BRSK1: variants seen among roughly 807,000 people sequenced by gnomAD.
BRSK1 encodes the protein BR serine/threonine kinase 1, also known as serine/threonine-protein kinase BRSK1.
In BRSK1, 17 loss-of-function variants were observed where a neutral mutation model predicts 86.2. The observed-to-expected ratio is 0.20, with a 90% CI of 0.14 to 0.30. The LOEUF (loss-of-function observed/expected upper bound fraction) is 0.30. BRSK1 is among the 10% of genes least tolerant of loss of function. The pLI, the probability that BRSK1 is intolerant of heterozygous loss-of-function variation, is 1.00. For missense variants in BRSK1, 719 were observed against 1,071.9 expected (o/e 0.67, Z 4.60); for synonymous variants, 464 against 440.1 (o/e 1.05, Z -0.68).
At chr19:55,296,835 G>A (rs1044694906) in intron 7 of BRSK1, among the ~76,000 whole-genome samples, 16 of 151,746 alleles carry the variant, frequency 1.1e-4, no homozygotes, top group South Asian at 4.2e-4. Context: ...GCGACAGAGC[G>A]AGACTCCGTC....
At chr19:55,292,518 C>T (rs1185166132) in intron 4 of BRSK1, among the ~76,000 whole-genome samples, 1 of 152,072 alleles carries the variant, frequency 6.6e-6, no homozygotes, top group Non-Finnish European at 1.5e-5. Context: ...CAGTTTTGGG[C>T]ACGTTTGTGA....
chr19:55,288,634 G>A (rs2088358799), intron 3 of BRSK1, among the ~76,000 whole-genome samples: 2 of 152,120 alleles, frequency 1.3e-5, no homozygotes, highest in South Asian at 4.2e-4. Context: ...TGCCCAGGCT[G>A]GAGTGCAATG....
In BRSK1 at chr19:55,284,070, G is replaced by A. The variant is rs1172201780; in HGVS notation, c.-373G>A. 2 of 929,350 alleles carry A rather than the reference G, an allele frequency of 2.2e-6. No homozygotes were observed. The highest frequency in any genetic ancestry group is 1.7e-5 in the African/African-American group (1 of 58,170). The allele number at this position is 929,350 out of a possible 1,614,324, so 57.6% of individuals were successfully genotyped here. On this transcript the variant is annotated 5_prime_UTR_variant, in exon 1 of 19. Coordinates refer to ENST00000309383, the MANE Select transcript of BRSK1 (RefSeq NM_032430.2). Reference sequence around the variant, plus strand: ...AGGCGGAGAGGAGGAGGAGGCGGAGGAGAGAGGGCGCGTGGGGGGGCGGGG... The same window carrying A: ...AGGCGGAGAGGAGGAGGAGGCGGAGAAGAGAGGGCGCGTGGGGGGGCGGGG...
At position 55,300,040 on chromosome 19, in the gene BRSK1, G is replaced by A. The variant is rs138543951; in HGVS notation, c.679-1472G>A. Among the ~76,000 whole-genome samples the A allele has an allele frequency of 2.6e-5, 4 of 152,176 alleles. No individual in the cohort carries two copies. In the East Asian group the frequency reaches 5.8e-4, roughly 22 times the overall value. On this transcript the variant is annotated intron_variant, in intron 7 of 18. Coordinates refer to ENST00000309383, the MANE Select transcript of BRSK1 (RefSeq NM_032430.2). ...CCCTCCCGTCCCGTATGATACGTTC[G>A]CTTGTTTGTTTCCTGTCCCCTCTGG...
rs769989334 is a variant in BRSK1 at position 55,303,764 on chromosome 19, C to CGGG, written c.1227_1229dup (p.Gly412dup). ...TGGAAGTCCTGAGCATCACCGATGCCGGGGGTGGTGGCTCCCCTGTACCCA... is the reference window on the plus strand; with the variant it reads ...TGGAAGTCCTGAGCATCACCGATGCCGGGGGGGGTGGTGGCTCCCCTGTACCCA... On this transcript the variant is annotated inframe_insertion, in exon 12 of 19. Coordinates refer to ENST00000309383, the MANE Select transcript of BRSK1 (RefSeq NM_032430.2). The surrounding 1 kb of genome is among the most constrained non-coding windows in gnomAD (Gnocchi z 5.1). The CGGG allele has an allele frequency of 3.2e-5, 51 of 1,612,794 alleles. No homozygotes were observed. The highest frequency in any genetic ancestry group is 4.2e-5 in the Non-Finnish European group (50 of 1,179,386).
intron 1 of BRSK1, 82 bp downstream of exon 1, chr19:55,284,660 G>A: frequency 8.5e-7 from 1 of 1,179,726 alleles, no homozygotes; most frequent in Middle Eastern, 3.1e-4. Flanking sequence ...TATTCAAATG[G>A]CAGGGGCTGG....
intron 8 of BRSK1, 25 bp downstream of exon 8, chr19:55,301,683 A>AG (rs760206818): frequency 2.6e-5 from 42 of 1,600,200 alleles, no homozygotes; most frequent in Non-Finnish European, 6.0e-6. Flanking sequence ...GGACCGGCGG[A>AG]GGGGGGAACA....
intron 16 of BRSK1, among the ~76,000 whole-genome samples, 153 bp downstream of exon 16, chr19:55,305,739 C>T (rs1472878985): frequency 6.6e-6 from 1 of 152,070 alleles, no homozygotes; most frequent in Non-Finnish European, 1.5e-5. Flanking sequence ...AGTCGGTAGG[C>T]AGGAAAGATT....
At chr19:55,295,744 A>G (rs1191051185) in intron 7 of BRSK1, among the ~76,000 whole-genome samples, 6 of 152,124 alleles carry the variant, frequency 3.9e-5, no homozygotes, top group Non-Finnish European at 7.4e-5. Context: ...GAGCGGAGGC[A>G]GATCACCTGG....
chr19:55,284,976 C>G (rs1286517832), intron 1 of BRSK1, among the ~76,000 whole-genome samples: 1 of 146,188 alleles, frequency 6.8e-6, no homozygotes, highest in African/African-American at 2.6e-5. Flanking sequence ...GGCCTGCACT[C>G]CTGGGTCTGA....
chr19:55,309,409 A>C (rs915201570), intron 18 of BRSK1, among the ~76,000 whole-genome samples: 12 of 152,238 alleles, frequency 7.9e-5, no homozygotes, highest in Admixed American at 7.2e-4. Flanking sequence ...TAGTTCGTTC[A>C]GGCTACTATA....
chr19:55,307,814 C>T lies in BRSK1; in HGVS notation c.2090-825C>T, dbSNP rs556526238. On this transcript the variant is annotated intron_variant, in intron 17 of 18. Coordinates refer to ENST00000309383, the MANE Select transcript of BRSK1 (RefSeq NM_032430.2). ...ATTTAAAAAAAAAAAAAAAGCCCAG[C>T]ACGGTGGCATGCACCTGTAGTCCCA... Among the ~76,000 whole-genome samples the T allele has an allele frequency of 9.6e-5, 14 of 145,148 alleles. No individual in the cohort carries two copies. The East Asian group carries it at 2.9e-3, about 30-fold the overall frequency.
In BRSK1 at chr19:55,303,749, G is replaced by A. The variant is rs769988526; in HGVS notation, c.1209G>A (p.Leu403=). 1.9e-6 allele frequency: 3 copies of A among 1,613,612 alleles called. No homozygotes were observed. Among genetic ancestry groups the A allele is most frequent in the Admixed American group, 3.3e-5 (2 of 59,918 alleles). ...RRPERKSMEV[L]SITDAGGGGS... is the part of the protein sequence containing the mutation. ...CAGAGCGGAAGTCCATGGAAGTCCT[G>A]AGCATCACCGATGCCGGGGGTGGTG... is the stretch of plus-strand genomic sequence containing the variant. The change falls in exon 12 of 19, where the codon CTG becomes CTA. Residue 403 remains leucine, a synonymous_variant. Coordinates refer to ENST00000309383, the MANE Select transcript of BRSK1 (RefSeq NM_032430.2). This position sits in a 1 kb window ranked among gnomAD's most constrained non-coding sequence, Gnocchi z 5.1.
chr19:55,308,024 G>A (rs1264292136), intron 17 of BRSK1, among the ~76,000 whole-genome samples: 1 of 139,510 alleles, frequency 7.2e-6, no homozygotes, highest in Non-Finnish European at 1.6e-5. Flanking sequence ...TTGTTGTTTG[G>A]TTTTTTTTTT....
rs915026234 is a variant in BRSK1 at position 55,287,767 on chromosome 19, C to G, written c.317+468C>G. Among the ~76,000 whole-genome samples the G allele has an allele frequency of 6.6e-6, 1 of 152,204 alleles. No homozygotes were observed. The highest frequency in any genetic ancestry group is 2.4e-5 in the African/African-American group (1 of 41,454). On this transcript the variant is annotated intron_variant, in intron 3 of 18. Coordinates refer to ENST00000309383, the MANE Select transcript of BRSK1 (RefSeq NM_032430.2). The surrounding 1 kb of genome is among the most constrained non-coding windows in gnomAD (Gnocchi z 5.3). The stretch of plus-strand genomic sequence containing the variant: ...GTGGCTGGACACCCCAACAATGGGC[C>G]GCCTTAGGAGGTCTGAGTCACTATC...
At position 55,287,320 on chromosome 19, in the gene BRSK1, AG is replaced by A; in HGVS notation, c.317+22del. 6.2e-7 allele frequency: 1 copy of A among 1,609,648 alleles called. No individual in the cohort carries two copies. Among genetic ancestry groups the A allele is most frequent in the Non-Finnish European group, 8.5e-7 (1 of 1,175,984 alleles). On this transcript the variant is annotated intron_variant, in intron 3 of 18. Coordinates refer to ENST00000309383, the MANE Select transcript of BRSK1 (RefSeq NM_032430.2). The surrounding 1 kb of genome is among the most constrained non-coding windows in gnomAD (Gnocchi z 5.3). ...TATTTGTAGGTATTTATAGACACCC[AG>A]CCCTACCCCATCCTCCCTCTCCAGG...
rs377142646 is a variant in BRSK1 at position 55,303,454 on chromosome 19, G to A, written c.1126+46G>A. The A allele has an allele frequency of 6.9e-6, 11 of 1,587,850 alleles. No individual in the cohort carries two copies. The highest frequency in any genetic ancestry group is 9.5e-6 in the Non-Finnish European group (11 of 1,156,772). ...GACCAGACACCTGGGTCTCGAGATT[G>A]GAAGAGGCTGGCCACGGGGACCCCA... is the stretch of plus-strand genomic sequence containing the variant. On this transcript the variant is annotated intron_variant, in intron 11 of 18. Transcript: ENST00000309383. The surrounding 1 kb of genome is among the most constrained non-coding windows in gnomAD (Gnocchi z 5.1).
rs770835493 is a variant in BRSK1, at chr19:55,289,561, C to T, written c.399C>T (p.Ala133=). Residue 133 remains alanine (A), a synonymous_variant, in exon 4 of 19, where the codon GCC becomes GCT. Transcript: ENST00000309383. The part of the protein sequence containing the change: ...VKKGRLTPKE[A]RKFFRQIVSA... ...AGGGGAGACTGACGCCCAAGGAGGC[C>T]CGAAAGTTCTTCCGCCAGATTGTGT... The T allele has an allele frequency of 6.2e-7, 1 of 1,614,034 alleles. No homozygotes were observed. The highest frequency in any genetic ancestry group is 1.1e-5 in the South Asian group (1 of 91,058).
intron 4 of BRSK1, among the ~76,000 whole-genome samples, chr19:55,293,007 C>G (rs998036204): frequency 3.3e-5 from 5 of 152,044 alleles, no homozygotes; most frequent in African/African-American, 1.2e-4. Flanking sequence ...GACCCCATCT[C>G]TAAGCATACA....
Sources: allele counts gnomAD v4.1 joint callset (sites outside exome capture counted in the v4.1 genomes callset), GRCh38; gene constraint gnomAD v4.1.1; non-coding constraint Gnocchi (gnomAD v3.1); transcripts MANE v1.5; gene names NCBI Gene and HGNC (gene_info 2026-07-23, HGNC 2026-07-21).